Variants in CHRM3 observed in about 807,000 individuals in gnomAD.
CHRM3 encodes the protein cholinergic receptor muscarinic 3, also known as muscarinic acetylcholine receptor M3.
Under a neutral mutation model 41.8 loss-of-function variants are expected in CHRM3, and 11 were observed. That is an observed-to-expected ratio of 0.26 (90% confidence interval 0.17 to 0.44). CHRM3 has a LOEUF of 0.44. CHRM3 is among the 20% of genes least tolerant of loss of function. The pLI, the probability that CHRM3 is intolerant of heterozygous loss-of-function variation, is 1.00. For synonymous variants in CHRM3, 297 were observed against 301.4 expected (o/e 0.99, Z 0.15); for missense variants, 571 against 745.4 (o/e 0.77, Z 2.72).
intron 5 of CHRM3, chr1:239,718,849 TAC>T (rs1662652575): frequency 6.6e-6 from 1 of 152,032 alleles, no homozygotes; most frequent in Admixed American, 6.6e-5. Flanking sequence ...ACAGGCATTA[TAC>T]GCAAGGCTGA....
At chr1:239,835,402 A>G (rs1025983847) in intron 6 of CHRM3, among the ~76,000 whole-genome samples, 1 of 152,168 alleles carries the variant, frequency 6.6e-6, no homozygotes, top group Non-Finnish European at 1.5e-5. Flanking sequence ...AGTGCCCACT[A>G]CGTTCTCTGC....
At position 239,615,318 on chromosome 1, in the gene CHRM3, C is replaced by T. The variant is rs375195547; in HGVS notation, c.-312-16906C>T. On this transcript the variant is annotated intron_variant, in intron 3 of 6. Coordinates refer to ENST00000676153, the MANE Select transcript of CHRM3 (RefSeq NM_001375978.1). ...AGATCTAAGATCCAAGCAGCTTTTT[C>T]TTAGAGAAGACACAGGTACTTCCAT... 3.3e-5 allele frequency among the ~76,000 whole-genome samples: 5 copies of T among 152,222 alleles called. No individual in the cohort carries two copies. The East Asian group carries it at 7.8e-4, about 24-fold the overall frequency.
intron 6 of CHRM3, among the ~76,000 whole-genome samples, chr1:239,835,631 A>C (rs1439315823): frequency 2.6e-5 from 4 of 152,244 alleles, no homozygotes; most frequent in Admixed American, 2.6e-4. Flanking sequence ...CAAGTCATGA[A>C]ATCAACTTAG....
At chr1:239,445,845 T>C (rs1664085119) in intron 1 of CHRM3, among the ~76,000 whole-genome samples, 1 of 151,974 alleles carries the variant, frequency 6.6e-6, no homozygotes, top group Non-Finnish European at 1.5e-5. Context: ...CCATGAAGTA[T>C]AGTATAATGG....
intron 3 of CHRM3, among the ~76,000 whole-genome samples, chr1:239,609,761 A>C (rs572049487): frequency 6.6e-6 from 1 of 152,176 alleles, no homozygotes; most frequent in South Asian, 2.1e-4. Flanking sequence ...CTTTTCATAT[A>C]CTTAGTTAGC....
intron 3 of CHRM3, among the ~76,000 whole-genome samples, chr1:239,550,928 A>T (rs1010864442): frequency 1.3e-5 from 2 of 152,032 alleles, no homozygotes; most frequent in East Asian, 3.9e-4. Flanking sequence ...GTTTTCTTTT[A>T]TTATAATAAC....
In CHRM3 at chr1:239,411,897, A is replaced by C. The variant is rs891215727; in HGVS notation, c.-521+24670A>C. 5.3e-5 allele frequency among the ~76,000 whole-genome samples: 8 copies of C among 152,016 alleles called. No individual in the cohort carries two copies. In the East Asian group the frequency reaches 1.5e-3, roughly 29 times the overall value. ...ATTTCTACTCCTGAGAGGCAACCAC[A>C]TTCAGATTCTTAGGCTGTTTTTTCT... On this transcript the variant is annotated intron_variant, in intron 1 of 6. Transcript: ENST00000676153.
At position 239,828,623 on chromosome 1, in the gene CHRM3, C is replaced by A. The variant is rs1257863765; in HGVS notation, c.-20+1245C>A. Among the ~76,000 whole-genome samples the A allele has an allele frequency of 3.9e-5, 6 of 152,064 alleles. No homozygotes were observed. In the East Asian group the frequency reaches 1.2e-3, roughly 29 times the overall value. On this transcript the variant is annotated intron_variant, in intron 6 of 6. Coordinates refer to ENST00000676153, the MANE Select transcript of CHRM3 (RefSeq NM_001375978.1). ...GAGGTGCAAAAGCCTGAGGTGGGAG[C>A]ACATTTGGAGTATTCCCGGAACAGC...
At chr1:239,825,549 C>T (rs7536133) in intron 5 of CHRM3, among the ~76,000 whole-genome samples, 33,702 of 152,046 alleles carry the variant, frequency 0.22, 4,019 homozygotes, top group East Asian at 0.5. Context: ...TAGAATTACT[C>T]ATGATATGAA....
chr1:239,542,886 C>T (rs1658914208), intron 2 of CHRM3, among the ~76,000 whole-genome samples: 1 of 152,208 alleles, frequency 6.6e-6, no homozygotes, highest in African/African-American at 2.4e-5. Flanking sequence ...TAAATGCCAC[C>T]TCTCCATGGG....
intron 1 of CHRM3, among the ~76,000 whole-genome samples, chr1:239,397,680 C>A (rs1659607461): frequency 1.5e-5 from 1 of 68,796 alleles, no homozygotes; most frequent in Admixed American, 2.4e-4. Context: ...TCAAAAAATA[C>A]ATGTATTTAT....
intron 2 of CHRM3, among the ~76,000 whole-genome samples, chr1:239,519,698 A>C (rs1158448018): frequency 6.7e-6 from 1 of 149,244 alleles, no homozygotes; most frequent in Non-Finnish European, 1.5e-5. Context: ...TTTCCTTGCC[A>C]TTACAACTTA....
chr1:239,672,953 G>A (rs891358481), intron 4 of CHRM3, among the ~76,000 whole-genome samples: 1 of 152,108 alleles, frequency 6.6e-6, no homozygotes. Context: ...AACTATCAGT[G>A]AGCCCAAGAC....
At chr1:239,738,680 C>T (rs527931386) in intron 5 of CHRM3, among the ~76,000 whole-genome samples, 1 of 152,154 alleles carries the variant, frequency 6.6e-6, no homozygotes, top group African/African-American at 2.4e-5. Flanking sequence ...CTATACAGAC[C>T]CATGACTTTC....
intron 5 of CHRM3, among the ~76,000 whole-genome samples, chr1:239,812,335 T>C (rs1184499991): frequency 6.6e-6 from 1 of 152,214 alleles, no homozygotes; most frequent in Non-Finnish European, 1.5e-5. Flanking sequence ...TCACTGTGGC[T>C]GGCCAATTTG....
chr1:239,423,716 T>G (rs1662134528), intron 1 of CHRM3, among the ~76,000 whole-genome samples: 1 of 151,900 alleles, frequency 6.6e-6, no homozygotes, highest in Admixed American at 6.6e-5. Flanking sequence ...AAATAGTAGG[T>G]TTTTTAAAGA....
intron 2 of CHRM3, among the ~76,000 whole-genome samples, chr1:239,523,476 C>A (rs768780022): frequency 9.9e-5 from 15 of 151,950 alleles, no homozygotes; most frequent in Admixed American, 3.3e-4. Context: ...TACAGAAAAG[C>A]CGATGAATGG....
intron 3 of CHRM3, among the ~76,000 whole-genome samples, chr1:239,627,106 A>G (rs1669053383): frequency 9.6e-6 from 1 of 103,854 alleles, no homozygotes; most frequent in Non-Finnish European, 2.0e-5. Flanking sequence ...GTGGGGTGTT[A>G]AAGTCTCCCA....
chr1:239,656,483 G>GA (rs796199180), intron 4 of CHRM3, among the ~76,000 whole-genome samples: 10 of 149,214 alleles, frequency 6.7e-5, no homozygotes, highest in South Asian at 4.3e-4. Flanking sequence ...AAAGAAAAAA[G>GA]AAAAAAAAAG....
Sources: gnomAD v4.1 joint callset for allele counts (sites outside exome capture counted in the v4.1 genomes callset) on GRCh38, gnomAD v4.1.1 for gene constraint, MANE v1.5 for transcripts, NCBI Gene and HGNC (gene_info 2026-07-23, HGNC 2026-07-21) for gene names.